The following NUP37 variants were observed in gnomAD, a reference collection of about 807,000 sequenced individuals.
NUP37 encodes nucleoporin 37.
NUP37 carries 33 observed loss-of-function variants against 45.4 expected under a neutral mutation model. The observed-to-expected ratio is 0.73, with a 90% CI of 0.55 to 0.97. The LOEUF is 0.97. Among genes scored for constraint, NUP37 ranks in the 50% least tolerant of loss-of-function variants. The probability of loss-of-function intolerance (pLI) is 0.00; values close to 1 mark genes in which losing one functional copy is unlikely to be tolerated. For synonymous variants in NUP37, 127 were observed against 130.7 expected, an observed-to-expected ratio of 0.97 and a Z score of 0.19; for missense variants, 365 against 389.7, an observed-to-expected ratio of 0.94 and a Z score of 0.53.
At chr12:102,105,753 C>T (rs571991358) in intron 3 of NUP37, among the ~76,000 whole-genome samples, 1 of 149,102 alleles carries the variant, frequency 6.7e-6, no homozygotes, top group East Asian at 2.0e-4. Flanking sequence ...CCCAGCTACT[C>T]GGGAGGCTGA....
At chr12:102,074,821 C>CAA in intron 9 of NUP37, 180 bp downstream of exon 9, 2 of 446,408 alleles carry the variant, frequency 4.5e-6, no homozygotes, top group Non-Finnish European at 7.8e-6. Flanking sequence ...ATGTAAACAT[C>CAA]AAAAAAAAAC....
intron 3 of NUP37, among the ~76,000 whole-genome samples, chr12:102,110,824 AAT>A (rs1313237478): frequency 6.6e-6 from 1 of 152,228 alleles, no homozygotes; most frequent in African/African-American, 2.4e-5. Flanking sequence ...CAGCCTGGGC[AAT>A]AGAGCCAGAC....
chr12:102,080,283 G>A (rs902860382), intron 6 of NUP37, among the ~76,000 whole-genome samples: 13 of 152,120 alleles, frequency 8.5e-5, no homozygotes, highest in African/African-American at 3.1e-4. Context: ...TTAGCCAGGC[G>A]AGGTGGCAAG....
rs983022071 is a variant in NUP37 at position 102,112,125 on chromosome 12, T to A, written c.264A>T (p.Ser88=). Residue 88 remains serine, a synonymous_variant, in exon 3 of 10, where the codon TCA becomes TCT. Coordinates refer to ENST00000552283, the MANE Select transcript of NUP37 (RefSeq NM_024057.4). ...AAACTTACTTGATTACTGGAGGCAA[T>A]GAATCAAGTCTAGTCTCTGGGCTCC... ...IAWSPETRLD[S]LPPVIKFCTS... 1 of 1,613,662 alleles carries A rather than the reference T, an allele frequency of 6.2e-7. No homozygotes were observed. Among genetic ancestry groups the A allele is most frequent in the Non-Finnish European group, 8.5e-7 (1 of 1,179,710 alleles).
intron 6 of NUP37, among the ~76,000 whole-genome samples, chr12:102,078,255 G>A (rs1013934226): frequency 6.6e-6 from 1 of 151,948 alleles, no homozygotes; most frequent in African/African-American, 2.4e-5. Flanking sequence ...GAATCCGAGA[G>A]GCAGAGGTTG....
intron 3 of NUP37, among the ~76,000 whole-genome samples, chr12:102,105,387 G>C (rs532571024): frequency 1.3e-5 from 2 of 151,906 alleles, no homozygotes; most frequent in African/African-American, 4.8e-5. Context: ...AAAATTAGCC[G>C]GGTGCAGTGG....
rs765136118 is a variant in NUP37, at chr12:102,079,495, G to A, written c.541-1992C>T. 1.2e-4 allele frequency among the ~76,000 whole-genome samples: 18 copies of A among 152,114 alleles called. 1 individual carries two copies. Among genetic ancestry groups the A allele is most frequent in the Admixed American group, 1.3e-4 (2 of 15,276 alleles). ...AAATACACAGTTAGGTTCCCTGCCA[G>A]CCTTTTTGATGACTGATCAATACGT... is the stretch of plus-strand genomic sequence containing the variant. On this transcript the variant is annotated intron_variant, in intron 6 of 9. Transcript: ENST00000552283.
chr12:102,082,476 C>T (rs1322247640), intron 6 of NUP37, among the ~76,000 whole-genome samples: 1 of 152,180 alleles, frequency 6.6e-6, no homozygotes, highest in Non-Finnish European at 1.5e-5. Context: ...ATAGTATCAA[C>T]GATGACCAGC....
chr12:102,079,897 A>T (rs1161368186), intron 6 of NUP37, among the ~76,000 whole-genome samples: 1 of 152,200 alleles, frequency 6.6e-6, no homozygotes, highest in African/African-American at 2.4e-5. Context: ...AGCGGACTCA[A>T]ACTTTTTGTT....
At chr12:102,086,516 A>C (rs1232600396) in intron 5 of NUP37, among the ~76,000 whole-genome samples, 1 of 152,114 alleles carries the variant, frequency 6.6e-6, no homozygotes, top group Non-Finnish European at 1.5e-5. Context: ...TCCTGTTCTC[A>C]CTTTCCTCAA....
chr12:102,092,978 T>C (rs1436110191), intron 5 of NUP37, among the ~76,000 whole-genome samples: 20 of 152,054 alleles, frequency 1.3e-4, no homozygotes, highest in Admixed American at 1.2e-3. Context: ...GTTGTAGCAG[T>C]AGTAGTTTTA....
Position 102,093,880 on chromosome 12 carries a change from T to C in NUP37, c.449+5226A>G, listed in dbSNP as rs773282073. ...TAGTCACTGATTTGGTGATATATTT[T>C]ATTAAGCACTTGTTTTGTATTTCAT... On this transcript the variant is annotated intron_variant, in intron 5 of 9. Coordinates refer to ENST00000552283, the MANE Select transcript of NUP37 (RefSeq NM_024057.4). 4.6e-5 allele frequency among the ~76,000 whole-genome samples: 7 copies of C among 152,102 alleles called. No individual in the cohort carries two copies. In the East Asian group the frequency reaches 1.3e-3, roughly 29 times the overall value.
At chr12:102,115,873 AC>A (rs1387255740) in intron 2 of NUP37, 4 of 827,882 alleles carry the variant, frequency 4.8e-6, no homozygotes, top group Non-Finnish European at 5.8e-6. Context: ...TTCTAGGACA[AC>A]AGAATAGTAA....
At chr12:102,098,156 T>C (rs919077603) in intron 5 of NUP37, among the ~76,000 whole-genome samples, 18 of 152,172 alleles carry the variant, frequency 1.2e-4, no homozygotes, top group Non-Finnish European at 2.4e-4. Flanking sequence ...ACCCTTCCAA[T>C]GACTGATGCA....
chr12:102,100,136 T>C (rs1349968523), intron 4 of NUP37, among the ~76,000 whole-genome samples: 1 of 152,212 alleles, frequency 6.6e-6, no homozygotes, highest in African/African-American at 2.4e-5. Context: ...AACTAGCATA[T>C]TAACTTTGGA....
intron 5 of NUP37, among the ~76,000 whole-genome samples, chr12:102,091,687 A>G (rs1446180104): frequency 1.3e-5 from 2 of 152,128 alleles, no homozygotes; most frequent in East Asian, 1.9e-4. Flanking sequence ...ATCAAAGGGC[A>G]CTGGGTAAGT....
In NUP37 at chr12:102,113,948, T is replaced by C. The variant is rs560725692; in HGVS notation, c.157-1716A>G. 3.3e-5 allele frequency among the ~76,000 whole-genome samples: 5 copies of C among 152,328 alleles called. No homozygotes were observed. In the East Asian group the frequency reaches 9.6e-4, roughly 29 times the overall value. ...CACATCTTTCTCTGCATAATTCAGA[T>C]ACCCTTTGAAAATAACTTCAAATTT... On this transcript the variant is annotated intron_variant, in intron 2 of 9. Coordinates refer to ENST00000552283, the MANE Select transcript of NUP37 (RefSeq NM_024057.4).
rs190320835 is a variant in NUP37, at chr12:102,076,948, A to G, written c.723-101T>C. On this transcript the variant is annotated intron_variant, in intron 7 of 9. Coordinates refer to ENST00000552283, the MANE Select transcript of NUP37 (RefSeq NM_024057.4). ...TTCTCTTTATAGGACAGAATGTCCA[A>G]TGTGTTTAAACTATAATAAATCCTA... The G allele has an allele frequency of 2.4e-5, 19 of 803,140 alleles. No homozygotes were observed. The Admixed American group carries it at 3.6e-4, about 15-fold the overall frequency. 49.8% of individuals were successfully genotyped at this position (803,140 alleles called of 1,614,324 possible). A position where few individuals can be genotyped will look rare whatever the true frequency, so the allele number is the denominator to read the frequency against.
intron 2 of NUP37, among the ~76,000 whole-genome samples, chr12:102,118,065 T>C (rs1880514100): frequency 6.6e-6 from 1 of 152,214 alleles, no homozygotes; most frequent in Non-Finnish European, 1.5e-5. Context: ...ATCTCATTTA[T>C]ATTGTTTTTT....
Sources: gnomAD v4.1 joint callset for allele counts (sites outside exome capture counted in the v4.1 genomes callset) on GRCh38, gnomAD v4.1.1 for gene constraint, MANE v1.5 for transcripts, NCBI Gene and HGNC (gene_info 2026-07-23, HGNC 2026-07-21) for gene names.